ISM2: variants seen among roughly 807,000 people sequenced by gnomAD.
ISM2 encodes isthmin-2.
A neutral mutation model predicts 58.0 loss-of-function variants in ISM2; 50 were observed. That is an observed-to-expected ratio of 0.86 (90% CI 0.69 to 1.09). ISM2 has a LOEUF of 1.09. Ranked by LOEUF, ISM2 falls within the 50% of genes least tolerant of loss-of-function variation. The pLI, the probability that ISM2 is intolerant of heterozygous loss-of-function variation, is 0.00. For synonymous variants in ISM2, 303 were observed against 312.4 expected (o/e 0.97, Z 0.32); for missense variants, 723 against 745.0 (o/e 0.97, Z 0.34).
rs576376808 is a variant in ISM2, at chr14:77,495,042, G to A, written c.141+3611C>T. Among the ~76,000 whole-genome samples, 23 of 151,926 alleles carry A rather than the reference G, an allele frequency of 1.5e-4. 1 individual carries two copies. In the South Asian group the frequency reaches 3.5e-3, roughly 23 times the overall value. On this transcript the variant is annotated intron_variant, in intron 1 of 6. Coordinates refer to ENST00000342219, the MANE Select transcript of ISM2 (RefSeq NM_199296.3). ...GAGACTACGGGGGGCGCACCATCACGCTCAGCTAATTTTTGTATTTTTTGG... is the reference window on the plus strand; with the variant it reads ...GAGACTACGGGGGGCGCACCATCACACTCAGCTAATTTTTGTATTTTTTGG...
At chr14:77,498,442 G>C in intron 1 of ISM2, 1 of 1,196,058 alleles carries the variant, frequency 8.4e-7, no homozygotes, top group Non-Finnish European at 1.2e-6. Flanking sequence ...AGCCCGGCTC[G>C]CGGTCACGCG....
chr14:77,476,199 G>T, intron 6 of ISM2, 87 bp from the exon 7 acceptor site: 1 of 1,408,628 alleles, frequency 7.1e-7, no homozygotes, highest in Non-Finnish European at 9.5e-7. Context: ...CCAGTGCATG[G>T]GGAGAGAAGG....
chr14:77,493,876 G>T (rs542522317), intron 1 of ISM2, among the ~76,000 whole-genome samples: 1 of 150,438 alleles, frequency 6.6e-6, no homozygotes, highest in South Asian at 2.1e-4. Context: ...GGTTCACGCC[G>T]TTCTCCTGCC....
intron 1 of ISM2, 59 bp downstream of exon 1, chr14:77,498,594 G>A: frequency 7.2e-7 from 1 of 1,396,124 alleles, no homozygotes. Flanking sequence ...GCTGGAGCCG[G>A]CGGGCTGGGG....
At position 77,482,427 on chromosome 14, in the gene ISM2, C is replaced by T; in HGVS notation, c.868G>A (p.Glu290Lys). ...IEGEDQEDKE[E>K]DEEEQALWFN... ...CAGAGCGCCTGCTCTTCCTCATCTT[C>T]CTCTTTGTCCTCTTGATCCTCACCC... The change falls in exon 4 of 7, where the codon GAA becomes AAA. Residue 290 changes from glutamate (E) to lysine (K), a missense_variant. Transcript: ENST00000342219. The T allele has an allele frequency of 6.2e-7, 1 of 1,614,192 alleles. No individual in the cohort carries two copies. The highest frequency in any genetic ancestry group is 8.5e-7 in the Non-Finnish European group (1 of 1,180,008).
At chr14:77,487,243 TTAAATAAATAAATAAA>T (rs35003981) in intron 1 of ISM2, among the ~76,000 whole-genome samples, 5 of 144,036 alleles carry the variant, frequency 3.5e-5, no homozygotes, top group African/African-American at 5.2e-5. Flanking sequence ...AGAATCCATC[TTAAATAAATAAATAAA>T]TAAATAAATA....
rs755490049 is a variant in ISM2 at position 77,478,263 on chromosome 14, C to A, written c.1177G>T (p.Ala393Ser). 1.1e-5 allele frequency: 17 copies of A among 1,614,026 alleles called. No individual in the cohort carries two copies. The highest frequency in any genetic ancestry group is 1.4e-5 in the Non-Finnish European group (17 of 1,179,994). ...TCACCTTGATCATGCATGTCCGTAG[C>A]ATTGCGGGCCAGGAGCTTCCACTCC... ...SEEWKLLARN[A>S]TDMHDQDVDS... The change falls in exon 6 of 7, where the codon GCT becomes TCT. Residue 393 changes from alanine (A) to serine (S), a missense_variant. Physicochemically the swap from Ala to Ser is moderately conservative, Grantham distance 99. Transcript: ENST00000342219.
chr14:77,498,639 C>A lies in ISM2; in HGVS notation c.141+14G>T. ...CGACAGCGCGCTCCGCAGCCCGGTG[C>A]CGCCGCCACTCACCTCTGCGAGCCT... On this transcript the variant is annotated intron_variant, in intron 1 of 6. Coordinates refer to ENST00000342219, the MANE Select transcript of ISM2 (RefSeq NM_199296.3). 1 of 1,443,194 alleles carries A rather than the reference C, an allele frequency of 6.9e-7. No individual in the cohort carries two copies. The highest frequency in any genetic ancestry group is 9.1e-7 in the Non-Finnish European group (1 of 1,103,930). 89.4% of individuals were successfully genotyped at this position (1,443,194 alleles called of 1,614,324 possible). A position where few individuals can be genotyped will look rare whatever the true frequency, so the allele number is the denominator to read the frequency against.
intron 1 of ISM2, among the ~76,000 whole-genome samples, chr14:77,485,430 T>C (rs1047264029): frequency 1.4e-4 from 21 of 152,252 alleles, no homozygotes; most frequent in African/African-American, 4.8e-4. Context: ...ACATGAGGGC[T>C]GTGTTCCTCC....
At chr14:77,490,940 C>G (rs1382079209) in intron 1 of ISM2, among the ~76,000 whole-genome samples, 1 of 152,208 alleles carries the variant, frequency 6.6e-6, no homozygotes, top group Non-Finnish European at 1.5e-5. Flanking sequence ...AGAAGGCTAG[C>G]AGGTGAGGCC....
chr14:77,478,009 T>C (rs1361312112), intron 6 of ISM2, among the ~76,000 whole-genome samples: 1 of 152,158 alleles, frequency 6.6e-6, no homozygotes, highest in Non-Finnish European at 1.5e-5. Flanking sequence ...AGATGATCTC[T>C]AAGCTCTGCC....
intron 1 of ISM2, among the ~76,000 whole-genome samples, chr14:77,489,817 G>A (rs1221882931): frequency 3.9e-5 from 6 of 152,250 alleles, no homozygotes; most frequent in East Asian, 1.9e-4. Context: ...TTAGTTTAAC[G>A]CTCTGCTGTT....
intron 1 of ISM2, among the ~76,000 whole-genome samples, chr14:77,492,797 C>T (rs1237641945): frequency 5.9e-5 from 9 of 152,050 alleles, no homozygotes; most frequent in African/African-American, 1.9e-4. Context: ...CTTCTGAGGT[C>T]GGGAGTTCGA....
intron 1 of ISM2, among the ~76,000 whole-genome samples, chr14:77,487,284 A>AAAT (rs1433800095): frequency 1.4e-5 from 2 of 138,196 alleles, no homozygotes; most frequent in African/African-American, 5.9e-5. Flanking sequence ...AATAAATAAT[A>AAAT]AAAAGAAAAG....
rs2079156066 is a variant in ISM2, at chr14:77,484,706, T to G, written c.355A>C (p.Thr119Pro). 2.5e-6 allele frequency: 4 copies of G among 1,609,260 alleles called. No homozygotes were observed. The highest frequency in any genetic ancestry group is 3.4e-6 in the Non-Finnish European group (4 of 1,178,870). ...GTATCAGGGTTAGGGGTACTCAAGG[T>G]TGTGTTGGCCAATCCCGGCAGCTTC... ...LQKLPGLANTTLSTPNPDTQA... is the reference protein window; with the variant it reads ...LQKLPGLANTPLSTPNPDTQA... The change falls in exon 2 of 7, where the codon ACC becomes CCC. Residue 119 changes from threonine to proline, a missense_variant. Thr to Pro is a conservative substitution (Grantham distance 38). Transcript: ENST00000342219.
At chr14:77,481,348 T>TA (rs112409113) in intron 4 of ISM2, among the ~76,000 whole-genome samples, 1,716 of 146,298 alleles carry the variant, frequency 0.012, 6 homozygotes, top group Middle Eastern at 0.041. Context: ...TCAAAAAAAT[T>TA]AAAAAAAAAA....
At chr14:77,477,902 G>C (rs985284459) in intron 6 of ISM2, among the ~76,000 whole-genome samples, 1 of 152,136 alleles carries the variant, frequency 6.6e-6, no homozygotes, top group African/African-American at 2.4e-5. Flanking sequence ...TCTCCAGACA[G>C]AGCCTGCCCA....
At chr14:77,486,124 T>A (rs562802600) in intron 1 of ISM2, among the ~76,000 whole-genome samples, 1 of 152,232 alleles carries the variant, frequency 6.6e-6, no homozygotes, top group Non-Finnish European at 1.5e-5. Flanking sequence ...TGCCTGAGGT[T>A]GCACAGACAT....
intron 4 of ISM2, among the ~76,000 whole-genome samples, chr14:77,481,591 A>C (rs1449981590): frequency 3.3e-5 from 5 of 152,188 alleles, no homozygotes; most frequent in Admixed American, 6.5e-5. Flanking sequence ...AGAGAGTTGA[A>C]GAATCTTGCC....
Sources: allele counts gnomAD v4.1 joint callset (sites outside exome capture counted in the v4.1 genomes callset), GRCh38; gene constraint gnomAD v4.1.1; transcripts MANE v1.5; gene names NCBI Gene and HGNC (gene_info 2026-07-23, HGNC 2026-07-21).